Variants in FSTL4 observed in about 807,000 individuals in gnomAD.
FSTL4 encodes follistatin-related protein 4.
In FSTL4, 28 loss-of-function variants were observed where a neutral mutation model predicts 78.2. That is an observed-to-expected ratio of 0.36 (90% confidence interval 0.27 to 0.49). FSTL4 has a LOEUF of 0.49. Ranked by LOEUF, FSTL4 falls within the 20% of genes least tolerant of loss-of-function variation. FSTL4 has a pLI of 0.98. For missense variants in FSTL4, 922 were observed against 1,084.9 expected, an observed-to-expected ratio of 0.85 and a Z score of 2.11; for synonymous variants, 422 against 440.5, an observed-to-expected ratio of 0.96 and a Z score of 0.53.
chr5:133,691,607 G>A, the FSTL4 span, among the ~76,000 whole-genome samples: 1 of 152,036 alleles, frequency 6.6e-6, no homozygotes, highest in Admixed American at 6.5e-5. Context: ...CTCTCCTTTG[G>A]TCCAAGTCTC....
intron 3 of FSTL4, among the ~76,000 whole-genome samples, chr5:133,512,154 C>T (rs17166739): frequency 6.6e-6 from 1 of 152,134 alleles, no homozygotes; most frequent in African/African-American, 2.4e-5. Context: ...CCAAAGCCCA[C>T]GCATCACCCT....
rs568484339 is a variant in FSTL4 at position 133,199,071 on chromosome 5, G to A, written c.*24C>T. On this transcript the variant is annotated 3_prime_UTR_variant, in exon 16 of 16. Coordinates refer to ENST00000265342, the MANE Select transcript of FSTL4 (RefSeq NM_015082.2). This position sits in a 1 kb window ranked among gnomAD's most constrained non-coding sequence, Gnocchi z 4.4. ...TGTCAGGACTAGGGGGTGTTCCTTGGCCCAGGGCTCTGCTCTGGGCCCTTC... is the reference window on the plus strand; with the variant it reads ...TGTCAGGACTAGGGGGTGTTCCTTGACCCAGGGCTCTGCTCTGGGCCCTTC... 3.9e-5 allele frequency: 55 copies of A among 1,425,296 alleles called. 1 individual carries two copies. Among genetic ancestry groups the A allele is most frequent in the Non-Finnish European group, 4.9e-5 (52 of 1,053,002 alleles). 88.3% of individuals were successfully genotyped at this position (1,425,296 alleles called of 1,614,324 possible). A position where few individuals can be genotyped will look rare whatever the true frequency, so the allele number is the denominator to read the frequency against.
At chr5:133,268,428 C>T (rs1752691508) in intron 6 of FSTL4, among the ~76,000 whole-genome samples, 1 of 152,170 alleles carries the variant, frequency 6.6e-6, no homozygotes, top group African/African-American at 2.4e-5. Context: ...AGTCACTACC[C>T]CCCTACATGG....
At chr5:133,217,513 C>T (rs1750950294) in intron 12 of FSTL4, 135 bp from the exon 13 acceptor site, 12 of 743,246 alleles carry the variant, frequency 1.6e-5, no homozygotes, top group South Asian at 1.4e-4. Flanking sequence ...TAGAACAGGG[C>T]ACCCAAGCCC....
intron 6 of FSTL4, among the ~76,000 whole-genome samples, chr5:133,311,968 G>T (rs1194575029): frequency 6.6e-6 from 1 of 152,142 alleles, no homozygotes; most frequent in African/African-American, 2.4e-5. Context: ...AATGGCTCTT[G>T]TATCTTGCAT....
chr5:133,311,301 T>A (rs1416391761), intron 6 of FSTL4, among the ~76,000 whole-genome samples: 1 of 152,160 alleles, frequency 6.6e-6, no homozygotes, highest in Non-Finnish European at 1.5e-5. Flanking sequence ...CACCTTATTA[T>A]GAACCAACAT....
upstream of FSTL4, among the ~76,000 whole-genome samples, chr5:133,614,589 T>C (rs545882297): frequency 5.3e-5 from 8 of 152,352 alleles, no homozygotes; most frequent in African/African-American, 1.9e-4. Flanking sequence ...TGAATTGCTC[T>C]GTGCTTTTAC....
In FSTL4 at chr5:133,380,074, T is replaced by A. The variant is rs1050835994; in HGVS notation, c.409+20664A>T. ...TGAGACTCTATCTCAAAAAAAAAAA[T>A]AAAATAAAATAAAACAAATTTCAAA... On this transcript the variant is annotated intron_variant, in intron 4 of 15. Coordinates refer to ENST00000265342, the MANE Select transcript of FSTL4 (RefSeq NM_015082.2). Among the ~76,000 whole-genome samples the A allele has an allele frequency of 3.6e-3, 395 of 108,246 alleles. 2 individuals carry two copies. Among genetic ancestry groups the A allele is most frequent in the African/African-American group, 0.012 (352 of 29,954 alleles). 71.0% of individuals were successfully genotyped at this position (108,246 alleles called of 152,430 possible).
At chr5:133,303,766 C>A (rs1753600784) in intron 6 of FSTL4, among the ~76,000 whole-genome samples, 1 of 152,336 alleles carries the variant, frequency 6.6e-6, no homozygotes, top group African/African-American at 2.4e-5. Flanking sequence ...GTGCCCTAAG[C>A]ATCCTTCCTA....
the FSTL4 span, among the ~76,000 whole-genome samples, chr5:133,701,768 C>T: frequency 0.79 from 120,455 of 152,052 alleles, 48,570 homozygotes; most frequent in African/African-American, 0.94. Context: ...CAGTAGAACA[C>T]GTTTGCGTGT....
chr5:133,446,644 G>A (rs1757271091), intron 3 of FSTL4, among the ~76,000 whole-genome samples: 1 of 152,178 alleles, frequency 6.6e-6, no homozygotes, highest in African/African-American at 2.4e-5. Flanking sequence ...CCCTCCGCAG[G>A]TGGGAATCAG....
chr5:133,234,409 G>A (rs915963042), intron 7 of FSTL4, among the ~76,000 whole-genome samples: 1 of 152,188 alleles, frequency 6.6e-6, no homozygotes, highest in South Asian at 2.1e-4. Context: ...TGGGCAGGAG[G>A]GGCTTTTGGC....
At chr5:133,617,428 G>T (rs1217231662), upstream of FSTL4, among the ~76,000 whole-genome samples, 1 of 152,112 alleles carries the variant, frequency 6.6e-6, no homozygotes, top group Non-Finnish European at 1.5e-5. Context: ...CTCCTGAAGA[G>T]GCTACTCAAT....
chr5:133,254,605 G>T (rs544622288), intron 6 of FSTL4, among the ~76,000 whole-genome samples: 2 of 152,346 alleles, frequency 1.3e-5, no homozygotes, highest in South Asian at 4.1e-4. Flanking sequence ...CATCACAACT[G>T]CATCGGGAAG....
chr5:133,401,850 T>G lies in FSTL4; in HGVS notation c.161-864A>C, dbSNP rs185073859. Among the ~76,000 whole-genome samples, 5 of 149,188 alleles carry G rather than the reference T, an allele frequency of 3.4e-5. No individual in the cohort carries two copies. The East Asian group carries it at 9.7e-4, about 29-fold the overall frequency. ...TAGAAGACTAGATGTGAGTAGGAGT[T>G]TTGTACAGTGGTGGGGTTGGGGGTC... is the stretch of plus-strand genomic sequence containing the variant. On this transcript the variant is annotated intron_variant, in intron 3 of 15. Transcript: ENST00000265342.
chr5:133,452,462 T>A (rs1007016395), intron 3 of FSTL4, among the ~76,000 whole-genome samples: 2 of 152,240 alleles, frequency 1.3e-5, no homozygotes, highest in African/African-American at 4.8e-5. Flanking sequence ...GCAGGCAATT[T>A]CCACAGGCAC....
intron 3 of FSTL4, among the ~76,000 whole-genome samples, chr5:133,563,340 G>A (rs555321365): frequency 6.6e-6 from 1 of 152,310 alleles, no homozygotes; most frequent in South Asian, 2.1e-4. Flanking sequence ...AAACACCCTT[G>A]GATGTGATGA....
chr5:133,640,061 A>G, the FSTL4 span, among the ~76,000 whole-genome samples: 1 of 152,236 alleles, frequency 6.6e-6, no homozygotes, highest in Admixed American at 6.5e-5. Context: ...AACAATAGGC[A>G]TGGTGCAATG....
chr5:133,283,516 C>G (rs543726497), intron 6 of FSTL4, among the ~76,000 whole-genome samples: 5 of 152,172 alleles, frequency 3.3e-5, no homozygotes, highest in Non-Finnish European at 7.3e-5. Context: ...TCTTGTTCAT[C>G]CCAAATAATG....
Sources: allele counts gnomAD v4.1 joint callset (sites outside exome capture counted in the v4.1 genomes callset), GRCh38; gene constraint gnomAD v4.1.1; non-coding constraint Gnocchi (gnomAD v3.1); transcripts MANE v1.5; gene names NCBI Gene and HGNC (gene_info 2026-07-23, HGNC 2026-07-21).